The following FAM227B variants were observed in gnomAD, a reference collection of about 807,000 sequenced individuals.
FAM227B encodes protein FAM227B.
Under a neutral mutation model 73.8 loss-of-function variants are expected in FAM227B, and 88 were observed. The observed-to-expected ratio is 1.19, with a 90% CI of 1.00 to 1.42. FAM227B has a LOEUF of 1.42. Ranked by LOEUF, FAM227B falls within the 40% of genes most tolerant of loss-of-function variation. The pLI is 0.00. For synonymous variants in FAM227B, 210 were observed against 190.5 expected, an observed-to-expected ratio of 1.10 and a Z score of -0.84; for missense variants, 632 against 590.9, an observed-to-expected ratio of 1.07 and a Z score of -0.72.
chr15:49,587,952 T>C (rs1050798540), intron 5 of FAM227B, 64 bp downstream of exon 5: 1 of 1,304,500 alleles, frequency 7.7e-7, no homozygotes, highest in Non-Finnish European at 1.0e-6. Context: ...TCTGTGGAAA[T>C]GTAGTGTTTA....
chr15:49,362,506 T>C (rs140322364), intron 13 of FAM227B, among the ~76,000 whole-genome samples: 85 of 152,328 alleles, frequency 5.6e-4, no homozygotes, highest in African/African-American at 2.0e-3. Context: ...AATACACTTA[T>C]AGATTCTGGA....
At chr15:49,519,308 T>G (rs1271924663) in intron 10 of FAM227B, among the ~76,000 whole-genome samples, 1 of 152,168 alleles carries the variant, frequency 6.6e-6, no homozygotes, top group African/African-American at 2.4e-5. Context: ...GCTACAATTC[T>G]GGGGTCTAGA....
intron 11 of FAM227B, among the ~76,000 whole-genome samples, chr15:49,393,346 C>T (rs1023165446): frequency 6.6e-6 from 1 of 152,144 alleles, no homozygotes; most frequent in African/African-American, 2.4e-5. Context: ...GGGAAAAATG[C>T]TAGCAGAAGT....
At chr15:49,364,460 C>G (rs1211530628) in intron 13 of FAM227B, among the ~76,000 whole-genome samples, 2 of 151,912 alleles carry the variant, frequency 1.3e-5, no homozygotes, top group Non-Finnish European at 2.9e-5. Context: ...GTGGCAATGT[C>G]TTGTCATTTC....
At chr15:49,356,942 G>A (rs1449386191) in intron 13 of FAM227B, among the ~76,000 whole-genome samples, 18 of 148,670 alleles carry the variant, frequency 1.2e-4, no homozygotes, top group Non-Finnish European at 1.3e-4. Context: ...ACTCAAAACC[G>A]CTCCACTACA....
At chr15:49,455,168 A>G (rs1254971473) in intron 11 of FAM227B, among the ~76,000 whole-genome samples, 1 of 152,208 alleles carries the variant, frequency 6.6e-6, no homozygotes. Context: ...ATTTGTATGC[A>G]TGCAATGTGA....
intron 11 of FAM227B, among the ~76,000 whole-genome samples, chr15:49,398,019 G>T (rs1268133534): frequency 6.6e-6 from 1 of 152,090 alleles, no homozygotes; most frequent in Non-Finnish European, 1.5e-5. Flanking sequence ...AATGTAAATG[G>T]ACTAAATGCT....
intron 11 of FAM227B, among the ~76,000 whole-genome samples, chr15:49,431,462 A>G (rs1381186317): frequency 6.6e-6 from 1 of 151,748 alleles, no homozygotes; most frequent in African/African-American, 2.4e-5. Flanking sequence ...ATGGGGAGTG[A>G]GAGAGGAGAA....
intron 11 of FAM227B, among the ~76,000 whole-genome samples, chr15:49,462,516 T>C (rs2053894854): frequency 6.6e-6 from 1 of 152,236 alleles, no homozygotes; most frequent in Admixed American, 6.5e-5. Context: ...TTAAAAAGTC[T>C]CTACTGATTC....
In FAM227B at chr15:49,611,581, C is replaced by T. The variant is rs1011823264; in HGVS notation, c.52-313G>A. On this transcript the variant is annotated intron_variant, in intron 2 of 15. Transcript: ENST00000299338. The stretch of plus-strand genomic sequence containing the variant: ...TAAAAGAGTTCCAAGATATTTTGGG[C>T]TATCATGGATAGCCTCTATAATAAA... Among the ~76,000 whole-genome samples, 4 of 152,236 alleles carry T rather than the reference C, an allele frequency of 2.6e-5. No individual in the cohort carries two copies. In the East Asian group the frequency reaches 7.7e-4, roughly 29 times the overall value.
intron 9 of FAM227B, among the ~76,000 whole-genome samples, chr15:49,554,845 T>C (rs2073466095): frequency 6.6e-6 from 1 of 152,210 alleles, no homozygotes; most frequent in African/African-American, 2.4e-5. Flanking sequence ...GGACAATCAG[T>C]GAGGTTTCTA....
intron 10 of FAM227B, among the ~76,000 whole-genome samples, chr15:49,532,674 CAAT>C (rs35835582): frequency 0.25 from 37,670 of 150,904 alleles, 5,593 homozygotes; most frequent in Non-Finnish European, 0.35. Flanking sequence ...TAATATTCAA[CAAT>C]ATTATTAAAA....
chr15:49,609,598 T>A (rs1712227914), intron 3 of FAM227B, among the ~76,000 whole-genome samples: 2 of 151,958 alleles, frequency 1.3e-5, no homozygotes, highest in African/African-American at 4.8e-5. Flanking sequence ...ATCCTAAGCA[T>A]CTATGTGCCT....
intron 3 of FAM227B, among the ~76,000 whole-genome samples, chr15:49,593,893 G>A (rs899544062): frequency 1.3e-5 from 2 of 152,108 alleles, no homozygotes; most frequent in African/African-American, 2.4e-5. Flanking sequence ...ATAAACATGC[G>A]AGTGCAAGTG....
At chr15:49,345,099 CTCT>C (rs1405894712) in intron 13 of FAM227B, among the ~76,000 whole-genome samples, 2 of 152,136 alleles carry the variant, frequency 1.3e-5, no homozygotes, top group Admixed American at 1.3e-4. Flanking sequence ...TTATTGTGCT[CTCT>C]TGAGTATCAT....
At chr15:49,560,338 T>C (rs1298454198) in intron 9 of FAM227B, among the ~76,000 whole-genome samples, 1 of 151,784 alleles carries the variant, frequency 6.6e-6, no homozygotes, top group Non-Finnish European at 1.5e-5. Context: ...TAAAAAATAA[T>C]TAAGAAAAAT....
intron 13 of FAM227B, chr15:49,366,503 G>A: frequency 7.8e-7 from 1 of 1,284,366 alleles, no homozygotes; most frequent in Non-Finnish European, 1.1e-6. Flanking sequence ...CAAACTAATG[G>A]AAGTTGCATT....
chr15:49,468,354 G>A (rs1597389177), intron 11 of FAM227B, among the ~76,000 whole-genome samples: 1 of 152,120 alleles, frequency 6.6e-6, no homozygotes, highest in African/African-American at 2.4e-5. Flanking sequence ...ATGCTAATTT[G>A]AGGGGAATTA....
intron 11 of FAM227B, among the ~76,000 whole-genome samples, chr15:49,415,307 C>T (rs550473864): frequency 1.3e-3 from 191 of 152,212 alleles, no homozygotes; most frequent in Non-Finnish European, 2.1e-3. Context: ...TTGTGTTTGT[C>T]ATGATGTCCT....
Sources: gnomAD v4.1 joint callset for allele counts (sites outside exome capture counted in the v4.1 genomes callset) on GRCh38, gnomAD v4.1.1 for gene constraint, MANE v1.5 for transcripts, NCBI Gene and HGNC (gene_info 2026-07-23, HGNC 2026-07-21) for gene names.